The following ESR1 variants were observed in gnomAD, a reference collection of about 807,000 sequenced individuals.
ESR1 encodes estrogen receptor 1, also known as estrogen receptor.
A neutral mutation model predicts 52.7 loss-of-function variants in ESR1; 12 were observed. The observed-to-expected ratio is 0.23, with a 90% CI of 0.15 to 0.37. The LOEUF is 0.37. ESR1 is among the 10% of genes least tolerant of loss of function. The pLI, the probability that ESR1 is intolerant of heterozygous loss-of-function variation, is 1.00. For missense variants in ESR1, 584 were observed against 779.7 expected (o/e 0.75, Z 2.99); for synonymous variants, 305 against 316.8 (o/e 0.96, Z 0.39).
chr6:152,122,806 G>A (rs2051779839), intron 6 of ESR1: 3 of 1,421,474 alleles, frequency 2.1e-6, no homozygotes, highest in East Asian at 2.3e-5. Flanking sequence ...TCAGCTGCCA[G>A]CCTTCCACAG....
At chr6:152,026,970 C>CT (rs34385133) in intron 5 of ESR1, among the ~76,000 whole-genome samples, 191 of 145,762 alleles carry the variant, frequency 1.3e-3, no homozygotes, top group East Asian at 7.6e-3. Flanking sequence ...ATTCTTTTCT[C>CT]TTTTTTTTTT....
At chr6:151,766,077 T>C (rs1407876284) in intron 2 of ESR1, among the ~76,000 whole-genome samples, 1 of 152,228 alleles carries the variant, frequency 6.6e-6, no homozygotes, top group African/African-American at 2.4e-5. Context: ...ATACAGGGCT[T>C]CATATTTATA....
At chr6:152,030,852 G>A (rs762818721) in intron 5 of ESR1, among the ~76,000 whole-genome samples, 7 of 152,028 alleles carry the variant, frequency 4.6e-5, no homozygotes, top group African/African-American at 9.7e-5. Context: ...TCAGCACCAC[G>A]CCGGACTTAA....
At chr6:151,689,451 C>T (rs141122337), upstream of ESR1, among the ~76,000 whole-genome samples, 1 of 152,280 alleles carries the variant, frequency 6.6e-6, no homozygotes, top group East Asian at 1.9e-4. Flanking sequence ...GTGTCCTGCT[C>T]TATGTATTCT....
At chr6:152,087,587 T>C (rs920923225) in intron 6 of ESR1, among the ~76,000 whole-genome samples, 3 of 152,212 alleles carry the variant, frequency 2.0e-5, no homozygotes, top group Non-Finnish European at 2.9e-5. Context: ...TCTGTCATCA[T>C]GAATGGGTGG....
chr6:151,865,993 G>T (rs1042185281), intron 2 of ESR1, among the ~76,000 whole-genome samples: 1 of 152,314 alleles, frequency 6.6e-6, no homozygotes, highest in East Asian at 1.9e-4. Context: ...TGACCATTGC[G>T]ACTTGAGCTG....
intron 3 of ESR1, among the ~76,000 whole-genome samples, chr6:151,898,649 G>T (rs1475442836): frequency 1.3e-5 from 2 of 152,016 alleles, no homozygotes; most frequent in African/African-American, 4.8e-5. Flanking sequence ...AGCACATCTT[G>T]CACCGCCCTT....
intron 1 of ESR1, among the ~76,000 whole-genome samples, chr6:151,826,543 T>A (rs936721243): frequency 6.6e-6 from 1 of 152,252 alleles, no homozygotes; most frequent in Non-Finnish European, 1.5e-5. Context: ...CTCTGCTTTA[T>A]TAACTTTGTT....
chr6:151,906,428 T>C (rs1797469285), intron 3 of ESR1, among the ~76,000 whole-genome samples: 1 of 151,946 alleles, frequency 6.6e-6, no homozygotes, highest in South Asian at 2.1e-4. Flanking sequence ...AATAAGTTGA[T>C]AGTGAATTTT....
intron 1 of ESR1, among the ~76,000 whole-genome samples, chr6:151,683,492 G>A (rs1243626424): frequency 6.6e-6 from 1 of 151,734 alleles, no homozygotes; most frequent in African/African-American, 2.4e-5. Flanking sequence ...TATTCACCAG[G>A]CCCTGTGTGA....
intron 4 of ESR1, among the ~76,000 whole-genome samples, chr6:151,951,962 T>G (rs1451999998): frequency 6.6e-6 from 1 of 152,202 alleles, no homozygotes; most frequent in Non-Finnish European, 1.5e-5. Flanking sequence ...TCACCATCTC[T>G]AAATTTATGC....
chr6:152,002,348 C>T (rs891241196), intron 4 of ESR1, among the ~76,000 whole-genome samples: 6 of 151,872 alleles, frequency 4.0e-5, no homozygotes, highest in East Asian at 1.9e-4. Context: ...AAAAAGAGAC[C>T]GTCTACTTCC....
At chr6:151,680,902 G>T (rs1778434387) in intron 1 of ESR1, among the ~76,000 whole-genome samples, 1 of 152,152 alleles carries the variant, frequency 6.6e-6, no homozygotes, top group East Asian at 1.9e-4. Flanking sequence ...TCGAGTCGCT[G>T]GGTTTGCCTT....
chr6:151,768,698 A>G (rs1280647727), intron 2 of ESR1, among the ~76,000 whole-genome samples: 2 of 152,238 alleles, frequency 1.3e-5, no homozygotes, highest in African/African-American at 4.8e-5. Flanking sequence ...TAGATAGATG[A>G]CAGGATAATA....
chr6:151,773,128 G>A (rs1785651609), intron 2 of ESR1, among the ~76,000 whole-genome samples: 1 of 152,178 alleles, frequency 6.6e-6, no homozygotes, highest in African/African-American at 2.4e-5. Flanking sequence ...AAGGAATCCA[G>A]TATGACTGGT....
In ESR1 at chr6:151,839,680, A is replaced by G. The variant is rs139863094; in HGVS notation, c.453-2917A>G. Among the ~76,000 whole-genome samples the G allele has an allele frequency of 1.4e-4, 22 of 152,354 alleles. No individual in the cohort carries two copies. The East Asian group carries it at 4.1e-3, about 28-fold the overall frequency. On this transcript the variant is annotated intron_variant, in intron 1 of 7. Transcript: ENST00000206249. ...TAGTCACATCATGGACCTTCAGGACATTATCCTAAGTGAAATATGCTAGAC... is the reference window on the plus strand; with the variant it reads ...TAGTCACATCATGGACCTTCAGGACGTTATCCTAAGTGAAATATGCTAGAC...
In ESR1 at chr6:151,657,633, C is replaced by T. The variant is rs114754587; in HGVS notation, n.73+870C>T. ...ACTTTTCATGCTAATTTTCCAGTCC[C>T]TTAGTTTAAATATTATGCATTTTTT... On this transcript the variant is annotated intron_variant and non_coding_transcript_variant, in intron 1 of 2. Transcript: ENST00000473497. 4.9e-3 allele frequency among the ~76,000 whole-genome samples: 753 copies of T among 152,136 alleles called. 9 individuals are homozygous for T. Among genetic ancestry groups the T allele is most frequent in the African/African-American group, 0.018 (730 of 41,512 alleles).
At chr6:151,844,998 A>C (rs1033096913) in intron 2 of ESR1, among the ~76,000 whole-genome samples, 3 of 152,306 alleles carry the variant, frequency 2.0e-5, no homozygotes, top group African/African-American at 7.2e-5. Flanking sequence ...TACCAGTTAT[A>C]AATTAAAATT....
chr6:151,996,124 A>G (rs548073661), intron 4 of ESR1, among the ~76,000 whole-genome samples: 1 of 152,300 alleles, frequency 6.6e-6, no homozygotes, highest in Non-Finnish European at 1.5e-5. Context: ...CTTTTGATAA[A>G]CAGTGCATTT....
Sources: gnomAD v4.1 joint callset for allele counts (sites outside exome capture counted in the v4.1 genomes callset) on GRCh38, gnomAD v4.1.1 for gene constraint, MANE v1.5 for transcripts, NCBI Gene and HGNC (gene_info 2026-07-23, HGNC 2026-07-21) for gene names.